The following AGBL4 variants were observed in gnomAD, a reference collection of about 807,000 sequenced individuals.
The protein encoded by AGBL4 is AGBL carboxypeptidase 4.
A neutral mutation model predicts 66.4 loss-of-function variants in AGBL4; 58 were observed. The ratio of observed to expected loss-of-function variants is 0.87; its 90% CI spans 0.71 to 1.09. AGBL4 has a LOEUF of 1.09. Ranked by LOEUF, AGBL4 falls within the 50% of genes least tolerant of loss-of-function variation. The pLI is 0.00. For missense variants in AGBL4, 579 were observed against 631.0 expected, an observed-to-expected ratio of 0.92 and a Z score of 0.88; for synonymous variants, 234 against 222.9, an observed-to-expected ratio of 1.05 and a Z score of -0.44.
At chr1:48,600,485 GC>G (rs1645058980) in intron 9 of AGBL4, among the ~76,000 whole-genome samples, 1 of 152,202 alleles carries the variant, frequency 6.6e-6, no homozygotes, top group Non-Finnish European at 1.5e-5. Context: ...AACTGGCAGA[GC>G]CCAAGCAGTC....
rs1240182647 is a variant in AGBL4, at chr1:48,736,654, A to T, written c.635-73413T>A. On this transcript the variant is annotated intron_variant, in intron 6 of 13. Transcript: ENST00000371839. This position sits in a 1 kb window ranked among gnomAD's most constrained non-coding sequence, Gnocchi z 4.0. ...GCCAGGCCTTATTCTAGGGCTTTAT[A>T]TTTGCTATCTTAAATCTTCATGGCA... is the stretch of plus-strand genomic sequence containing the variant. Among the ~76,000 whole-genome samples the T allele has an allele frequency of 6.6e-6, 1 of 152,132 alleles. No individual in the cohort carries two copies. Among genetic ancestry groups the T allele is most frequent in the Non-Finnish European group, 1.5e-5 (1 of 68,024 alleles).
At chr1:48,587,505 G>A (rs1469186265) in intron 10 of AGBL4, among the ~76,000 whole-genome samples, 2 of 151,964 alleles carry the variant, frequency 1.3e-5, no homozygotes, top group African/African-American at 4.8e-5. Context: ...GTGTGCACCT[G>A]TAGTCCCAGC....
At chr1:49,821,073 G>GC (rs1645357347) in intron 2 of AGBL4, among the ~76,000 whole-genome samples, 3 of 152,136 alleles carry the variant, frequency 2.0e-5, no homozygotes, top group Admixed American at 2.0e-4. Context: ...CTTCCCACTA[G>GC]CCCCTGAGGT....
At position 49,372,659 on chromosome 1, in the gene AGBL4, C is replaced by CTTTCTTT. The variant is rs1557878663; in HGVS notation, c.283-126802_283-126796dup. On this transcript the variant is annotated intron_variant, in intron 3 of 13. Transcript: ENST00000371839. ...TCTTTCTTTCTTTCTTTCTTTCTTTCTTTCTTTCTTTCTTTCTTTCTCTTT... is the reference window on the plus strand; with the variant it reads ...TCTTTCTTTCTTTCTTTCTTTCTTTCTTTCTTTTTTCTTTCTTTCTTTCTTTCTCTTT... Among the ~76,000 whole-genome samples, 3 of 116,512 alleles carry CTTTCTTT rather than the reference C, an allele frequency of 2.6e-5. No individual in the cohort carries two copies. The East Asian group carries it at 7.2e-4, about 28-fold the overall frequency. The allele number at this position is 116,512 out of a possible 152,430, so 76.4% of individuals were successfully genotyped here.
chr1:49,957,434 G>A (rs1011804465), intron 1 of AGBL4, among the ~76,000 whole-genome samples: 4 of 151,804 alleles, frequency 2.6e-5, no homozygotes, highest in South Asian at 2.1e-4. Context: ...CTGTCTCGTT[G>A]ATCTGTCTGT....
intron 3 of AGBL4, among the ~76,000 whole-genome samples, chr1:49,517,230 T>C (rs866725006): frequency 1.3e-5 from 2 of 151,114 alleles, no homozygotes; most frequent in Middle Eastern, 3.2e-3. Context: ...ATGTATCTAG[T>C]ATCAAGACCC....
chr1:49,140,343 T>TA (rs1646094888), intron 4 of AGBL4, among the ~76,000 whole-genome samples: 1 of 152,224 alleles, frequency 6.6e-6, no homozygotes, highest in Admixed American at 6.5e-5. Flanking sequence ...TAAAATTGCC[T>TA]AGGGGCAAAG....
At chr1:49,357,712 C>A (rs949202829) in intron 3 of AGBL4, among the ~76,000 whole-genome samples, 2 of 152,132 alleles carry the variant, frequency 1.3e-5, no homozygotes, top group African/African-American at 4.8e-5. Flanking sequence ...ATGACCACTC[C>A]AAGCCTCAGT....
chr1:48,648,250 G>A (rs1299038510), intron 8 of AGBL4, among the ~76,000 whole-genome samples: 4 of 152,084 alleles, frequency 2.6e-5, no homozygotes, highest in Non-Finnish European at 5.9e-5. Context: ...GGTAACCACC[G>A]TTCTGCTTTC....
At chr1:48,722,211 C>G (rs1229471962) in intron 6 of AGBL4, among the ~76,000 whole-genome samples, 1 of 151,984 alleles carries the variant, frequency 6.6e-6, no homozygotes, top group African/African-American at 2.4e-5. Flanking sequence ...AAGAAGATCT[C>G]GACCAGCTGA....
chr1:48,704,820 C>G (rs979305934), intron 6 of AGBL4, among the ~76,000 whole-genome samples: 7 of 152,114 alleles, frequency 4.6e-5, no homozygotes, highest in African/African-American at 1.7e-4. Context: ...GGAGTATCCT[C>G]CAAAATAATA....
chr1:49,740,479 T>C (rs1321629764), intron 2 of AGBL4, among the ~76,000 whole-genome samples: 1 of 152,086 alleles, frequency 6.6e-6, no homozygotes. Flanking sequence ...CTGTCAATAT[T>C]AGACAGATCA....
intron 3 of AGBL4, among the ~76,000 whole-genome samples, chr1:49,362,079 A>T (rs994585369): frequency 6.6e-6 from 1 of 152,036 alleles, no homozygotes; most frequent in East Asian, 1.9e-4. Context: ...GTCAACCTTG[A>T]TTTTTCCCAT....
At chr1:48,758,500 T>G (rs1217754540) in intron 6 of AGBL4, among the ~76,000 whole-genome samples, 1 of 152,242 alleles carries the variant, frequency 6.6e-6, no homozygotes, top group African/African-American at 2.4e-5. Flanking sequence ...CTTTGGCATT[T>G]ATCACTTTCT....
chr1:49,494,686 T>C (rs1204403047), intron 3 of AGBL4, among the ~76,000 whole-genome samples: 1 of 152,170 alleles, frequency 6.6e-6, no homozygotes, highest in Non-Finnish European at 1.5e-5. Flanking sequence ...GTTAGACATT[T>C]GGGTTGGTTC....
At chr1:49,659,511 A>G (rs1472706587) in intron 3 of AGBL4, among the ~76,000 whole-genome samples, 1 of 152,200 alleles carries the variant, frequency 6.6e-6, no homozygotes, top group Non-Finnish European at 1.5e-5. Context: ...ACTTTCAGAC[A>G]AAACAGACTT....
intron 1 of AGBL4, among the ~76,000 whole-genome samples, chr1:49,935,575 G>T (rs986894246): frequency 8.5e-5 from 13 of 152,142 alleles, no homozygotes; most frequent in Non-Finnish European, 1.6e-4. Flanking sequence ...GCCTAACTGG[G>T]AGGCACCCCC....
intron 2 of AGBL4, among the ~76,000 whole-genome samples, chr1:49,714,593 TACACACACAC>T (rs1169805560): frequency 7.0e-5 from 8 of 113,970 alleles, no homozygotes; most frequent in African/African-American, 2.2e-4. Flanking sequence ...TATATATATA[TACACACACAC>T]ACATATATAT....
intron 4 of AGBL4, among the ~76,000 whole-genome samples, chr1:49,089,516 C>T (rs1207234859): frequency 6.6e-6 from 1 of 152,086 alleles, no homozygotes; most frequent in Non-Finnish European, 1.5e-5. Flanking sequence ...GATTACATTT[C>T]TTGAAATGTC....
Sources: gnomAD v4.1 joint callset for allele counts (sites outside exome capture counted in the v4.1 genomes callset) on GRCh38, gnomAD v4.1.1 for gene constraint, Gnocchi (gnomAD v3.1) non-coding constraint, MANE v1.5 for transcripts, NCBI Gene and HGNC (gene_info 2026-07-23, HGNC 2026-07-21) for gene names.